The following TUBGCP3 variants were observed in gnomAD, a reference collection of about 807,000 sequenced individuals.
TUBGCP3 encodes gamma-tubulin complex component 3.
TUBGCP3 carries 50 observed loss-of-function variants against 123.1 expected under a neutral mutation model. The ratio of observed to expected loss-of-function variants is 0.41; its 90% CI spans 0.32 to 0.51. The LOEUF (loss-of-function observed/expected upper bound fraction) is 0.51, where lower values mean the gene tolerates loss of function less well. Among genes scored for constraint, TUBGCP3 ranks in the 20% least tolerant of loss-of-function variants. The pLI, the probability that TUBGCP3 is intolerant of heterozygous loss-of-function variation, is 0.36. For synonymous variants in TUBGCP3, 405 were observed against 413.9 expected, an observed-to-expected ratio of 0.98 and a Z score of 0.26; for missense variants, 882 against 1,127.0, an observed-to-expected ratio of 0.78 and a Z score of 3.11.
intron 11 of TUBGCP3, among the ~76,000 whole-genome samples, chr13:112,530,998 C>T (rs927759191): frequency 6.6e-6 from 1 of 152,234 alleles, no homozygotes; most frequent in African/African-American, 2.4e-5. Flanking sequence ...ATACTGAACA[C>T]ATGCTACCAG....
At chr13:112,516,901 T>C (rs1343340931) in intron 16 of TUBGCP3, among the ~76,000 whole-genome samples, 1 of 152,200 alleles carries the variant, frequency 6.6e-6, no homozygotes, top group Non-Finnish European at 1.5e-5. Context: ...CACTTTCTTC[T>C]GTAACAGTAG....
chr13:112,509,885 T>TTA (rs1881555074), intron 17 of TUBGCP3, among the ~76,000 whole-genome samples: 2 of 152,226 alleles, frequency 1.3e-5, no homozygotes, highest in Admixed American at 1.3e-4. Context: ...AGTCCTTTAG[T>TTA]TCCTAAAAAA....
the TUBGCP3 span, among the ~76,000 whole-genome samples, chr13:112,594,082 G>A: frequency 6.6e-6 from 1 of 152,154 alleles, no homozygotes; most frequent in African/African-American, 2.4e-5. Context: ...TGGCTTCATT[G>A]GTGAATTTTC....
intron 19 of TUBGCP3, among the ~76,000 whole-genome samples, chr13:112,502,544 T>C (rs80172718): frequency 6.0e-5 from 5 of 83,650 alleles, no homozygotes; most frequent in African/African-American, 3.4e-4. Context: ...CATTTCTTCT[T>C]TTTTTTTTTT....
rs1447316213 is a variant in TUBGCP3, at chr13:112,492,857, A to AG, written c.2449-3161dup. 8.7e-5 allele frequency among the ~76,000 whole-genome samples: 11 copies of AG among 126,720 alleles called. No homozygotes were observed. The East Asian group carries it at 2.5e-3, about 29-fold the overall frequency. The allele number at this position is 126,720 out of a possible 152,430, so 83.1% of individuals were successfully genotyped here. On this transcript the variant is annotated intron_variant, in intron 20 of 21. Coordinates refer to ENST00000261965, the MANE Select transcript of TUBGCP3 (RefSeq NM_006322.6). ...TGGCCTGGTGTGCCTGAAACACTCT[A>AG]GCTTTGGGAACAGGCCTGGTGTCCC...
At chr13:112,583,710 TG>T (rs1426573602) in intron 1 of TUBGCP3, among the ~76,000 whole-genome samples, 2 of 152,238 alleles carry the variant, frequency 1.3e-5, no homozygotes, top group Non-Finnish European at 2.9e-5. Flanking sequence ...TTGAACTGTT[TG>T]GGGAGACCCA....
chr13:112,601,699 T>TC, the TUBGCP3 span, among the ~76,000 whole-genome samples: 24 of 152,264 alleles, frequency 1.6e-4, 1 homozygote, highest in East Asian at 3.5e-3. Flanking sequence ...GAGCTCCGTG[T>TC]CCCCCCTTTT....
chr13:112,568,984 T>C (rs1294820011), intron 2 of TUBGCP3, among the ~76,000 whole-genome samples, 168 bp downstream of exon 2: 1 of 152,240 alleles, frequency 6.6e-6, no homozygotes, highest in Non-Finnish European at 1.5e-5. Context: ...TAAAGTATTA[T>C]GTTCTAATAG....
chr13:112,497,429 C>T (rs1880599509), intron 20 of TUBGCP3, among the ~76,000 whole-genome samples: 1 of 152,212 alleles, frequency 6.6e-6, no homozygotes, highest in Non-Finnish European at 1.5e-5. Context: ...AAAGAAATAA[C>T]TTGTGCACCC....
At chr13:112,585,103 T>C (rs1296392067) in intron 1 of TUBGCP3, among the ~76,000 whole-genome samples, 1 of 152,180 alleles carries the variant, frequency 6.6e-6, no homozygotes, top group Non-Finnish European at 1.5e-5. Context: ...GAAATTCTCA[T>C]TAAAAGTAAC....
At chr13:112,493,741 A>G (rs1164618506) in intron 20 of TUBGCP3, among the ~76,000 whole-genome samples, 10 of 132,224 alleles carry the variant, frequency 7.6e-5, no homozygotes, top group East Asian at 2.6e-4. Context: ...CTATGGGAAC[A>G]TGGCCTGGTG....
At chr13:112,566,975 G>C (rs1881000476) in intron 2 of TUBGCP3, among the ~76,000 whole-genome samples, 1 of 152,216 alleles carries the variant, frequency 6.6e-6, no homozygotes, top group South Asian at 2.1e-4. Flanking sequence ...TTATTCCAAA[G>C]AGCAGAGCTA....
At chr13:112,541,499 A>G (rs1019319457) in intron 11 of TUBGCP3, among the ~76,000 whole-genome samples, 27 of 148,386 alleles carry the variant, frequency 1.8e-4, no homozygotes, top group African/African-American at 6.6e-4. Flanking sequence ...CCAAGATGAT[A>G]CCACTGCATT....
intron 2 of TUBGCP3, 24 bp from the exon 3 acceptor site, chr13:112,565,202 G>C (rs1405758289): frequency 6.2e-7 from 1 of 1,603,806 alleles, no homozygotes; most frequent in Non-Finnish European, 8.5e-7. Flanking sequence ...AAAAAAATAA[G>C]TGTGGTAACT....
At chr13:112,550,625 G>A (rs1019915301) in intron 8 of TUBGCP3, among the ~76,000 whole-genome samples, 2 of 152,208 alleles carry the variant, frequency 1.3e-5, no homozygotes, top group Admixed American at 6.5e-5. Context: ...TAGGGCAAGC[G>A]CCTGGCACAG....
chr13:112,565,390 C>T (rs1160462721), intron 2 of TUBGCP3, among the ~76,000 whole-genome samples: 1 of 152,108 alleles, frequency 6.6e-6, no homozygotes, highest in East Asian at 1.9e-4. Flanking sequence ...AAATATTAGG[C>T]TGGGATCAAA....
At chr13:112,555,229 C>T (rs537234215) in intron 6 of TUBGCP3, among the ~76,000 whole-genome samples, 2 of 152,284 alleles carry the variant, frequency 1.3e-5, no homozygotes, top group Admixed American at 6.5e-5. Flanking sequence ...CTGTCAAACA[C>T]GACATGAATC....
chr13:112,599,194 C>CT, the TUBGCP3 span, among the ~76,000 whole-genome samples: 2 of 152,124 alleles, frequency 1.3e-5, no homozygotes, highest in Admixed American at 6.5e-5. Context: ...GTGGTAATAA[C>CT]TTTGATCACC....
chr13:112,553,417 A>G (rs1404872247), intron 8 of TUBGCP3, among the ~76,000 whole-genome samples: 2 of 152,262 alleles, frequency 1.3e-5, no homozygotes, highest in Non-Finnish European at 2.9e-5. Flanking sequence ...TTACTGCCCA[A>G]TAATCAACCT....
Sources: allele counts gnomAD v4.1 joint callset (sites outside exome capture counted in the v4.1 genomes callset), GRCh38; gene constraint gnomAD v4.1.1; transcripts MANE v1.5; gene names NCBI Gene and HGNC (gene_info 2026-07-23, HGNC 2026-07-21).